TMEM45A: variants seen among roughly 807,000 people sequenced by gnomAD.
TMEM45A encodes transmembrane protein 45A.
Under a neutral mutation model 32.0 loss-of-function variants are expected in TMEM45A, and 25 were observed. The ratio of observed to expected loss-of-function variants is 0.78; its 90% CI spans 0.57 to 1.09. The LOEUF (loss-of-function observed/expected upper bound fraction) is 1.09. Among genes scored for constraint, TMEM45A ranks in the 50% least tolerant of loss-of-function variants. The probability of loss-of-function intolerance (pLI) is 0.00; values close to 1 mark genes in which losing one functional copy is unlikely to be tolerated. For synonymous variants in TMEM45A, 122 were observed against 114.8 expected (o/e 1.06, Z -0.40); for missense variants, 302 against 325.0 (o/e 0.93, Z 0.54).
At position 100,515,158 on chromosome 3, in the gene TMEM45A, C is replaced by G. The variant is rs576002950; in HGVS notation, c.-4+22230C>G. ...ACCCAAAGGACTATAAATCATGCTG[C>G]TATAAAGACACATGCACACGTATGT... On this transcript the variant is annotated intron_variant, in intron 1 of 5. Transcript: ENST00000323523. Among the ~76,000 whole-genome samples the G allele has an allele frequency of 6.8e-4, 103 of 151,774 alleles. No individual in the cohort carries two copies. The East Asian group carries it at 0.02, about 29-fold the overall frequency.
chr3:100,526,592 AATT>A (rs1705550140), intron 1 of TMEM45A, among the ~76,000 whole-genome samples: 1 of 152,212 alleles, frequency 6.6e-6, no homozygotes, highest in African/African-American at 2.4e-5. Flanking sequence ...GGCTAAAAGT[AATT>A]TGTATCCCTT....
chr3:100,571,675 TG>T (rs1387042150), intron 5 of TMEM45A: 1 of 152,176 alleles, frequency 6.6e-6, no homozygotes, highest in African/African-American at 2.4e-5. Context: ...TGTATACATG[TG>T]CCATGTTGGT....
At chr3:100,518,028 G>A (rs928844875) in intron 1 of TMEM45A, among the ~76,000 whole-genome samples, 4 of 152,200 alleles carry the variant, frequency 2.6e-5, no homozygotes, top group African/African-American at 4.8e-5. Flanking sequence ...TTTTGATTGG[G>A]CGTGGTTATG....
intron 1 of TMEM45A, among the ~76,000 whole-genome samples, chr3:100,533,564 G>A (rs1397820721): frequency 6.6e-6 from 1 of 152,068 alleles, no homozygotes; most frequent in African/African-American, 2.4e-5. Flanking sequence ...TTGGCACACT[G>A]GGGTGAGCAC....
intron 1 of TMEM45A, among the ~76,000 whole-genome samples, chr3:100,517,203 G>A (rs927271283): frequency 1.1e-4 from 17 of 152,110 alleles, no homozygotes; most frequent in African/African-American, 3.9e-4. Context: ...TGCAACCTCC[G>A]CCTTCTGGGT....
chr3:100,508,076 G>A (rs996406338), intron 1 of TMEM45A, among the ~76,000 whole-genome samples: 1 of 151,970 alleles, frequency 6.6e-6, no homozygotes, highest in African/African-American at 2.4e-5. Context: ...TGAGATCGGA[G>A]CCAGGAGAGA....
chr3:100,522,200 A>C (rs949827678), intron 1 of TMEM45A, among the ~76,000 whole-genome samples: 2 of 152,156 alleles, frequency 1.3e-5, no homozygotes, highest in African/African-American at 4.8e-5. Context: ...TCCCTGGACC[A>C]TACCCTGTTG....
At chr3:100,495,809 C>T (rs980868122) in intron 1 of TMEM45A, among the ~76,000 whole-genome samples, 1 of 152,072 alleles carries the variant, frequency 6.6e-6, no homozygotes, top group African/African-American at 2.4e-5. Flanking sequence ...GGCAGTTACC[C>T]AGGCTACTTT....
At chr3:100,496,819 C>T (rs1707936441) in intron 1 of TMEM45A, among the ~76,000 whole-genome samples, 2 of 152,128 alleles carry the variant, frequency 1.3e-5, no homozygotes, top group Non-Finnish European at 2.9e-5. Context: ...GAAGTTGTGA[C>T]CACACTATTT....
intron 1 of TMEM45A, among the ~76,000 whole-genome samples, chr3:100,523,752 CT>C (rs1226005592): frequency 5.3e-5 from 8 of 150,744 alleles, no homozygotes; most frequent in Non-Finnish European, 1.2e-4. Context: ...CCTTCTCCTC[CT>C]CCTTCTCCTC....
intron 1 of TMEM45A, among the ~76,000 whole-genome samples, chr3:100,539,186 C>T (rs924396748): frequency 6.6e-6 from 1 of 152,014 alleles, no homozygotes; most frequent in African/African-American, 2.4e-5. Context: ...CTGATACTAC[C>T]TGACTTCAAA....
At chr3:100,572,845 T>G (rs1196204406) in intron 5 of TMEM45A, 2 of 149,746 alleles carry the variant, frequency 1.3e-5, no homozygotes, top group Non-Finnish European at 3.0e-5. Flanking sequence ...CAGCACCATT[T>G]ATTAAATAGG....
At chr3:100,502,118 C>T (rs559665301) in intron 1 of TMEM45A, among the ~76,000 whole-genome samples, 3 of 151,840 alleles carry the variant, frequency 2.0e-5, no homozygotes, top group Non-Finnish European at 2.9e-5. Context: ...TCTTCATATC[C>T]AAATAGACCT....
In TMEM45A at chr3:100,528,833, C is replaced by T. The variant is rs79722557; in HGVS notation, c.-3-26376C>T. Reference sequence around the variant, plus strand: ...AGAATCAATGAATTTATTCCAAAAGCATGCAGAACACTATGACAGAGCCAA... The same window carrying T: ...AGAATCAATGAATTTATTCCAAAAGTATGCAGAACACTATGACAGAGCCAA... On this transcript the variant is annotated intron_variant, in intron 1 of 5. Transcript: ENST00000323523. Among the ~76,000 whole-genome samples, 1,512 of 152,152 alleles carry T rather than the reference C, an allele frequency of 9.9e-3. 23 individuals carry two copies. The highest frequency in any genetic ancestry group is 0.035 in the African/African-American group (1,462 of 41,512).
intron 1 of TMEM45A, among the ~76,000 whole-genome samples, chr3:100,522,572 C>A (rs180747837): frequency 6.6e-6 from 1 of 152,284 alleles, no homozygotes; most frequent in Non-Finnish European, 1.5e-5. Flanking sequence ...GCTTCCCAAC[C>A]TTTTTCATGT....
At chr3:100,501,085 C>T (rs1415674053) in intron 1 of TMEM45A, among the ~76,000 whole-genome samples, 6 of 151,936 alleles carry the variant, frequency 3.9e-5, no homozygotes, top group African/African-American at 1.2e-4. Flanking sequence ...TTAAAAAATA[C>T]GATATGCTTA....
rs1245367757 is a variant in TMEM45A at position 100,512,853 on chromosome 3, A to C, written c.-4+19925A>C. ...CAGAGAATACTACAAACACCTCTAC[A>C]CAAATAAACTAGAAAATCTAGAAGA... On this transcript the variant is annotated intron_variant, in intron 1 of 5. Transcript: ENST00000323523. Among the ~76,000 whole-genome samples the C allele has an allele frequency of 3.3e-5, 5 of 152,032 alleles. No individual in the cohort carries two copies. In the East Asian group the frequency reaches 5.8e-4, roughly 18 times the overall value.
chr3:100,508,807 A>T (rs189431348), intron 1 of TMEM45A, among the ~76,000 whole-genome samples: 13 of 151,652 alleles, frequency 8.6e-5, no homozygotes, highest in Admixed American at 2.0e-4. Context: ...CTCTCACTAT[A>T]TAAAAAAAAA....
intron 1 of TMEM45A, among the ~76,000 whole-genome samples, chr3:100,545,175 G>C (rs903044594): frequency 6.6e-6 from 1 of 151,998 alleles, no homozygotes; most frequent in African/African-American, 2.4e-5. Context: ...TCATTGTTTT[G>C]CTTTTTGTAT....
Sources: allele counts gnomAD v4.1 joint callset (sites outside exome capture counted in the v4.1 genomes callset), GRCh38; gene constraint gnomAD v4.1.1; transcripts MANE v1.5; gene names NCBI Gene and HGNC (gene_info 2026-07-23, HGNC 2026-07-21).